The following IL7 variants were observed in gnomAD, a reference collection of about 807,000 sequenced individuals.
The protein encoded by IL7 is interleukin-7.
Under a neutral mutation model 21.6 loss-of-function variants are expected in IL7, and 3 were observed. The ratio of observed to expected loss-of-function variants is 0.14; its 90% confidence interval spans 0.06 to 0.36. The LOEUF is 0.36. Among genes scored for constraint, IL7 ranks in the 10% least tolerant of loss-of-function variants. The pLI is 1.00. For synonymous variants in IL7, 62 were observed against 68.1 expected (o/e 0.91, Z 0.44); for missense variants, 175 against 200.2 (o/e 0.87, Z 0.76).
intron 1 of IL7, 105 bp downstream of exon 1, chr8:78,804,808 C>T: frequency 1.5e-6 from 2 of 1,333,316 alleles, no homozygotes; most frequent in Non-Finnish European, 2.1e-6. Flanking sequence ...AGTGCAAGGC[C>T]GGGCTATTCC....
intron 3 of IL7, among the ~76,000 whole-genome samples, chr8:78,692,986 G>C (rs1810262594): frequency 6.6e-6 from 1 of 151,892 alleles, no homozygotes; most frequent in Non-Finnish European, 1.5e-5. Flanking sequence ...GCGGTGTTTG[G>C]TTTTTTGTCC....
chr8:78,785,942 A>G (rs552798700), intron 2 of IL7, among the ~76,000 whole-genome samples: 1 of 152,306 alleles, frequency 6.6e-6, no homozygotes, highest in East Asian at 1.9e-4. Flanking sequence ...GAGAAGTGGG[A>G]AAACCTGTGG....
chr8:78,760,696 G>C, intron 2 of IL7: 1 of 1,583,372 alleles, frequency 6.3e-7, no homozygotes, highest in South Asian at 1.1e-5. Flanking sequence ...GGACACTTAG[G>C]GTTTCTTTAT....
intron 2 of IL7, among the ~76,000 whole-genome samples, chr8:78,774,984 A>C (rs1813084110): frequency 6.6e-6 from 1 of 152,160 alleles, no homozygotes; most frequent in African/African-American, 2.4e-5. Context: ...AGAATGTCTC[A>C]TGAAAGGGTA....
exon 5 of IL7, chr8:78,676,091 C>G (rs188240956): frequency 6.1e-6 from 2 of 328,072 alleles, no homozygotes; most frequent in African/African-American, 4.3e-5. Context: ...AGGTATTCCT[C>G]ATTTTACGAG....
intron 2 of IL7, among the ~76,000 whole-genome samples, chr8:78,789,959 A>C (rs969990531): frequency 6.6e-6 from 1 of 152,128 alleles, no homozygotes; most frequent in Non-Finnish European, 1.5e-5. Context: ...CTGGGTAGAG[A>C]TATCTACTAG....
At chr8:78,734,132 A>C (rs1811498567) in intron 5 of IL7, among the ~76,000 whole-genome samples, 1 of 152,238 alleles carries the variant, frequency 6.6e-6, no homozygotes, top group Non-Finnish European at 1.5e-5. Context: ...TGAGAAAGGT[A>C]ATTGTAGGTT....
At chr8:78,783,720 T>A (rs1302090873) in intron 2 of IL7, among the ~76,000 whole-genome samples, 1 of 152,238 alleles carries the variant, frequency 6.6e-6, no homozygotes, top group East Asian at 1.9e-4. Context: ...TTCAACTATA[T>A]AACCTGTGAT....
At chr8:78,675,979 AC>A (rs1249110103) in exon 5 of IL7, 1 of 784,944 alleles carries the variant, frequency 1.3e-6, no homozygotes, top group Admixed American at 2.5e-5. Flanking sequence ...GTTAATGGGT[AC>A]TATTCTTTGT....
At chr8:78,687,840 T>TATATATTTATATAATATATATATAATAA (rs1563627108) in intron 3 of IL7, among the ~76,000 whole-genome samples, 2 of 13,820 alleles carry the variant, frequency 1.4e-4, no homozygotes, top group Admixed American at 2.2e-3. Flanking sequence ...TAATAAATTA[T>TATATATTTATATAATATATATATAATAA]ATATATATTT....
chr8:78,696,686 T>A (rs1810427630), intron 3 of IL7, among the ~76,000 whole-genome samples: 1 of 152,212 alleles, frequency 6.6e-6, no homozygotes, highest in South Asian at 2.1e-4. Flanking sequence ...TAATTTAAGA[T>A]GGTCTGGTGA....
At chr8:78,698,600 C>T in intron 3 of IL7, 4 of 993,622 alleles carry the variant, frequency 4.0e-6, no homozygotes, top group Non-Finnish European at 5.7e-6. Flanking sequence ...CTTTTTCATT[C>T]ATCTTCATTT....
At chr8:78,675,991 T>G (rs1809567016) in exon 5 of IL7, 1 of 661,346 alleles carries the variant, frequency 1.5e-6, no homozygotes, top group Non-Finnish European at 2.4e-6. Flanking sequence ...TATTCTTTGT[T>G]CAAGGGTCTT....
chr8:78,701,266 A>G (rs1810594167), intron 3 of IL7, among the ~76,000 whole-genome samples: 1 of 152,060 alleles, frequency 6.6e-6, no homozygotes, highest in African/African-American at 2.4e-5. Context: ...TGTGAATGGG[A>G]GTTTGTTCCT....
chr8:78,737,159 A>G (rs1459056747), intron 4 of IL7, among the ~76,000 whole-genome samples: 1 of 152,142 alleles, frequency 6.6e-6, no homozygotes, highest in African/African-American at 2.4e-5. Flanking sequence ...ACATAAGAGA[A>G]AGAATCACAA....
At chr8:78,695,054 A>C (rs1810353433) in intron 3 of IL7, among the ~76,000 whole-genome samples, 1 of 152,144 alleles carries the variant, frequency 6.6e-6, no homozygotes, top group African/African-American at 2.4e-5. Flanking sequence ...CTCAGAAAGG[A>C]AGGAGTCAGA....
chr8:78,768,686 A>G (rs1249302418), intron 2 of IL7, among the ~76,000 whole-genome samples: 1 of 151,594 alleles, frequency 6.6e-6, no homozygotes, highest in Admixed American at 6.6e-5. Flanking sequence ...TTGTCAGATG[A>G]GTAGGTTGCG....
At chr8:78,804,886 T>G (rs1181647543) in intron 1 of IL7, 27 bp downstream of exon 1, 1 of 1,612,528 alleles carries the variant, frequency 6.2e-7, no homozygotes, top group Admixed American at 1.7e-5. Flanking sequence ...GCGCGCGAAC[T>G]TGTGCGCAAG....
chr8:78,764,220 G>A (rs561029535), intron 2 of IL7, among the ~76,000 whole-genome samples: 19 of 152,066 alleles, frequency 1.2e-4, no homozygotes, highest in Non-Finnish European at 1.9e-4. Flanking sequence ...ATCTACAAAA[G>A]TCCTATAGCT....
Sources: gnomAD v4.1 joint callset for allele counts (sites outside exome capture counted in the v4.1 genomes callset) on GRCh38, gnomAD v4.1.1 for gene constraint, MANE v1.5 for transcripts, NCBI Gene and HGNC (gene_info 2026-07-23, HGNC 2026-07-21) for gene names.